The following TXNRD3 variants were observed in gnomAD, a reference collection of about 807,000 sequenced individuals.
TXNRD3 encodes the protein thioredoxin reductase 3.
Under a neutral mutation model 78.2 loss-of-function variants are expected in TXNRD3, and 68 were observed. The observed-to-expected ratio is 0.87, with a 90% CI of 0.72 to 1.06. The LOEUF is 1.06. Among genes scored for constraint, TXNRD3 ranks in the 50% least tolerant of loss-of-function variants. The pLI, the probability that TXNRD3 is intolerant of heterozygous loss-of-function variation, is 0.00. For synonymous variants in TXNRD3, 296 were observed against 300.1 expected, an observed-to-expected ratio of 0.99 and a Z score of 0.14; for missense variants, 751 against 809.5, an observed-to-expected ratio of 0.93 and a Z score of 0.88.
At chr3:126,613,715 G>A (rs1559770344) in intron 13 of TXNRD3, among the ~76,000 whole-genome samples, 2 of 152,200 alleles carry the variant, frequency 1.3e-5, no homozygotes, top group African/African-American at 2.4e-5. Flanking sequence ...ACTGTTTGTG[G>A]TGATGCTGGT....
rs1933471557 is a variant in TXNRD3, at chr3:126,654,757, A to G, written c.234T>C (p.His78=). 1 of 1,403,110 alleles carries G rather than the reference A, an allele frequency of 7.1e-7. No homozygotes were observed. Among genetic ancestry groups the G allele is most frequent in the Non-Finnish European group, 9.3e-7 (1 of 1,077,672 alleles). 86.9% of individuals were successfully genotyped at this position (1,403,110 alleles called of 1,614,324 possible). A position where few individuals can be genotyped will look rare whatever the true frequency, so the allele number is the denominator to read the frequency against. ...CGAGGGCCGCGCCTACCCGAGTACT[A>G]TGGGGACAGTAGCTCTTGCTGAAGA... The change falls in exon 1 of 16, where the codon CAT becomes CAC. Residue 78 remains histidine, a synonymous_variant. Transcript: ENST00000524230.
At chr3:126,649,276 G>A (rs1038594795) in intron 1 of TXNRD3, among the ~76,000 whole-genome samples, 1 of 152,162 alleles carries the variant, frequency 6.6e-6, no homozygotes, top group Admixed American at 6.5e-5. Flanking sequence ...AGTGAAACGT[G>A]AATCAAAACC....
At chr3:126,640,766 A>G (rs1014203350) in intron 6 of TXNRD3, among the ~76,000 whole-genome samples, 1 of 151,514 alleles carries the variant, frequency 6.6e-6, no homozygotes, top group Non-Finnish European at 1.5e-5. Flanking sequence ...ACCCTCTGTC[A>G]TTTCTTGCCC....
intron 10 of TXNRD3, 33 bp downstream of exon 10, chr3:126,629,346 C>A: frequency 1.4e-6 from 2 of 1,391,622 alleles, no homozygotes; most frequent in South Asian, 2.6e-5. Context: ...GGAGTGTGTT[C>A]AATAACTTAG....
chr3:126,627,786 A>G (rs1938614031), intron 10 of TXNRD3, among the ~76,000 whole-genome samples: 1 of 152,220 alleles, frequency 6.6e-6, no homozygotes, highest in South Asian at 2.1e-4. Context: ...ATTCTATGAA[A>G]CATACAAGGA....
chr3:126,647,153 T>A, intron 2 of TXNRD3, 83 bp downstream of exon 2: 1 of 1,105,352 alleles, frequency 9.0e-7, no homozygotes, highest in Non-Finnish European at 1.3e-6. Context: ...AAGAGTAATC[T>A]GAATTGAACA....
Position 126,650,214 on chromosome 3 carries a change from T to C in TXNRD3, c.244-2918A>G, listed in dbSNP as rs1046396976. Reference sequence around the variant, plus strand: ...TGTCCTTTAACATTGACTTTCCAACTAGTCTAGCTGCCTCTACACTGAGCC... The same window carrying C: ...TGTCCTTTAACATTGACTTTCCAACCAGTCTAGCTGCCTCTACACTGAGCC... On this transcript the variant is annotated intron_variant, in intron 1 of 15. Coordinates refer to ENST00000524230, the MANE Select transcript of TXNRD3 (RefSeq NM_052883.3). 3.9e-5 allele frequency among the ~76,000 whole-genome samples: 6 copies of C among 152,354 alleles called. No individual in the cohort carries two copies. In the South Asian group the frequency reaches 8.3e-4, roughly 21 times the overall value.
intron 12 of TXNRD3, among the ~76,000 whole-genome samples, chr3:126,618,139 A>T (rs1938358543): frequency 6.6e-6 from 1 of 152,224 alleles, no homozygotes; most frequent in Non-Finnish European, 1.5e-5. Context: ...TAAAATGACC[A>T]CACTACTCAA....
At chr3:126,631,941 A>C (rs1227786249) in intron 7 of TXNRD3, 62 bp from the exon 8 acceptor site, 58 of 1,090,112 alleles carry the variant, frequency 5.3e-5, no homozygotes, top group Non-Finnish European at 7.7e-5. Flanking sequence ...CACCCTGGAC[A>C]AAATAGTTAC....
At position 126,642,080 on chromosome 3, in the gene TXNRD3, G is replaced by C; in HGVS notation, c.664C>G (p.Gln222Glu). 1 of 1,535,776 alleles carries C rather than the reference G, an allele frequency of 6.5e-7. No individual in the cohort carries two copies. The change falls in exon 6 of 16, where the codon CAG (glutamine) becomes GAG (glutamate). Residue 222 changes from glutamine (Q) to glutamate (E), a missense_variant. By Grantham distance (29) the Gln-to-Glu change is conservative. Transcript: ENST00000524230. ...AATTTCCTTGAGTCACATAATGCCT[G>C]CCCCAAAAGGGCAGCCTGATGCATC...
chr3:126,643,015 T>C (rs773471770), intron 5 of TXNRD3, among the ~76,000 whole-genome samples: 7 of 152,200 alleles, frequency 4.6e-5, no homozygotes, highest in African/African-American at 7.2e-5. Context: ...CAGTGTACCA[T>C]TGGCAGCCCC....
Position 126,621,901 on chromosome 3 carries a change from A to G in TXNRD3, c.1368-3T>C, listed in dbSNP as rs537594150. The G allele has an allele frequency of 6.7e-7, 1 of 1,499,028 alleles. No individual in the cohort carries two copies. Among genetic ancestry groups the G allele is most frequent in the African/African-American group, 1.4e-5 (1 of 71,348 alleles). The allele number at this position is 1,499,028 out of a possible 1,614,324, so 92.9% of individuals were successfully genotyped here. A position where few individuals can be genotyped will look rare whatever the true frequency, so the allele number is the denominator to read the frequency against. On this transcript the variant is annotated splice_region_variant and splice_polypyrimidine_tract_variant and intron_variant, in intron 11 of 15. Transcript: ENST00000524230. ...CATTTACAGGTATTTTTCCACTCCT[A>G]TTAGTTTTTGAAATGGGAAAAAATA...
At chr3:126,643,126 A>C (rs949114675) in intron 5 of TXNRD3, among the ~76,000 whole-genome samples, 1 of 152,134 alleles carries the variant, frequency 6.6e-6, no homozygotes, top group African/African-American at 2.4e-5. Flanking sequence ...CCCAGCAGGG[A>C]AGGAGCCAGG....
In TXNRD3 at chr3:126,630,793, G is replaced by A. The variant is rs1315707301; in HGVS notation, c.1116C>T (p.Phe372=). ...CCACTTTTTCTGCCATTTCTTGGTC[G>A]AAGCCACGGAGAAGGATTGAGCGTA... The change falls in exon 9 of 16, where the codon TTC becomes TTT. Residue 372 remains phenylalanine, a synonymous_variant. Transcript: ENST00000524230. 2.7e-5 allele frequency: 42 copies of A among 1,534,900 alleles called. No homozygotes were observed. The highest frequency in any genetic ancestry group is 3.3e-5 in the Non-Finnish European group (38 of 1,146,852).
rs1938469118 is a variant in TXNRD3 at position 126,622,013 on chromosome 3, A to T, written c.1368-115T>A. ...ATAGAAGACCTCTTAAAATTCACGCACCTCAGGATATCAATTATATATAAG... is the reference window on the plus strand; with the variant it reads ...ATAGAAGACCTCTTAAAATTCACGCTCCTCAGGATATCAATTATATATAAG... On this transcript the variant is annotated intron_variant, in intron 11 of 15. Coordinates refer to ENST00000524230, the MANE Select transcript of TXNRD3 (RefSeq NM_052883.3). The T allele has an allele frequency of 2.0e-5, 16 of 792,072 alleles. No homozygotes were observed. The South Asian group carries it at 5.1e-4, about 25-fold the overall frequency. The allele number at this position is 792,072 out of a possible 1,614,324, so 49.1% of individuals were successfully genotyped here. A position where few individuals can be genotyped will look rare whatever the true frequency, so the allele number is the denominator to read the frequency against.
Position 126,622,628 on chromosome 3 carries a change from G to T in TXNRD3, c.1291-88C>A. On this transcript the variant is annotated intron_variant, in intron 10 of 15. Coordinates refer to ENST00000524230, the MANE Select transcript of TXNRD3 (RefSeq NM_052883.3). Reference sequence around the variant, plus strand: ...ACTATAGATCCTTCAGACATTAAAAGGGTAATAATGGAATATTACAAACAA... The same window carrying T: ...ACTATAGATCCTTCAGACATTAAAATGGTAATAATGGAATATTACAAACAA... 1.1e-5 allele frequency: 10 copies of T among 929,006 alleles called. No homozygotes were observed. In the South Asian group the frequency reaches 1.7e-4, roughly 16 times the overall value. 57.5% of individuals were successfully genotyped at this position (929,006 alleles called of 1,614,324 possible).
intron 12 of TXNRD3, among the ~76,000 whole-genome samples, chr3:126,616,397 A>G (rs745363096): frequency 2.0e-5 from 3 of 152,254 alleles, no homozygotes; most frequent in Non-Finnish European, 4.4e-5. Context: ...ACAAGAGCCA[A>G]CACATAAGCT....
chr3:126,629,137 T>C (rs1030477966), intron 10 of TXNRD3, among the ~76,000 whole-genome samples: 2 of 152,142 alleles, frequency 1.3e-5, no homozygotes, highest in African/African-American at 4.8e-5. Flanking sequence ...TAAGCACACA[T>C]CTGGATATAT....
chr3:126,613,089 C>T (rs890238437), intron 13 of TXNRD3, among the ~76,000 whole-genome samples: 10 of 152,156 alleles, frequency 6.6e-5, no homozygotes, highest in African/African-American at 1.9e-4. Flanking sequence ...TCAACTTATG[C>T]ACAATTACAG....
Sources: gnomAD v4.1 joint callset for allele counts (sites outside exome capture counted in the v4.1 genomes callset) on GRCh38, gnomAD v4.1.1 for gene constraint, MANE v1.5 for transcripts, NCBI Gene and HGNC (gene_info 2026-07-23, HGNC 2026-07-21) for gene names.